The following PANX1 variants were observed in gnomAD, a reference collection of about 807,000 sequenced individuals.
The protein encoded by PANX1 is pannexin 1, also known as pannexin-1.
In PANX1, 30 loss-of-function variants were observed where a neutral mutation model predicts 38.7. The observed-to-expected ratio is 0.78, with a 90% confidence interval of 0.58 to 1.05. The LOEUF (loss-of-function observed/expected upper bound fraction) is 1.05. Among genes scored for constraint, PANX1 ranks in the 50% least tolerant of loss-of-function variants. PANX1 has a pLI of 0.00. For missense variants in PANX1, 551 were observed against 517.2 expected, an observed-to-expected ratio of 1.07 and a Z score of -0.63; for synonymous variants, 230 against 212.2, an observed-to-expected ratio of 1.08 and a Z score of -0.73.
At chr11:94,155,257 G>A (rs1946935714) in intron 2 of PANX1, among the ~76,000 whole-genome samples, 1 of 151,906 alleles carries the variant, frequency 6.6e-6, no homozygotes, top group Admixed American at 6.6e-5. Flanking sequence ...GGCTAAGGCA[G>A]GAGAATCGCT....
chr11:94,129,165 C>T lies in PANX1; in HGVS notation c.-148C>T. The stretch of plus-strand genomic sequence containing the variant: ...GCGGAGTCGCTGGGAGCCTGAGGCA[C>T]CGAGACACAAAGGCAGGCGGGATGC... On this transcript the variant is annotated 5_prime_UTR_variant, in exon 1 of 5. Coordinates refer to ENST00000227638, the MANE Select transcript of PANX1 (RefSeq NM_015368.4). 3.4e-6 allele frequency: 2 copies of T among 596,792 alleles called. No individual in the cohort carries two copies. Among genetic ancestry groups the T allele is most frequent in the Non-Finnish European group, 5.6e-6 (2 of 357,176 alleles). The allele number at this position is 596,792 out of a possible 1,614,324, so 37.0% of individuals were successfully genotyped here.
At chr11:94,134,586 G>T (rs1257370836) in intron 1 of PANX1, among the ~76,000 whole-genome samples, 1 of 152,022 alleles carries the variant, frequency 6.6e-6, no homozygotes, top group East Asian at 1.9e-4. Context: ...ATGAGAGTGG[G>T]ACCTTCATGA....
At chr11:94,138,793 A>G (rs191283904) in intron 1 of PANX1, among the ~76,000 whole-genome samples, 324 of 152,338 alleles carry the variant, frequency 2.1e-3, no homozygotes, top group Non-Finnish European at 1.8e-3. Flanking sequence ...CCTGACAGCC[A>G]TCCCTCAGTA....
chr11:94,147,160 ATTTAAT>A (rs1946836940), intron 1 of PANX1, among the ~76,000 whole-genome samples: 1 of 152,226 alleles, frequency 6.6e-6, no homozygotes, highest in Admixed American at 6.5e-5. Context: ...AAAATAAAAT[ATTTAAT>A]TTTAAATAGA....
chr11:94,180,977 G>T lies in PANX1; in HGVS notation c.*108G>T. On this transcript the variant is annotated 3_prime_UTR_variant, in exon 5 of 5. Coordinates refer to ENST00000227638, the MANE Select transcript of PANX1 (RefSeq NM_015368.4). ...GCTGGTTTGCAATAAATGGTTCTTG[G>T]TGGAGATACTGAGCATGTCTTATTG... is the stretch of plus-strand genomic sequence containing the variant. 1 of 706,518 alleles carries T rather than the reference G, an allele frequency of 1.4e-6. No individual in the cohort carries two copies. Among genetic ancestry groups the T allele is most frequent in the Admixed American group, 2.1e-5 (1 of 47,704 alleles). The allele number at this position is 706,518 out of a possible 1,614,324, so 43.8% of individuals were successfully genotyped here.
intron 2 of PANX1, among the ~76,000 whole-genome samples, chr11:94,170,248 T>A (rs534516558): frequency 7.2e-5 from 11 of 151,746 alleles, no homozygotes; most frequent in African/African-American, 2.7e-4. Flanking sequence ...GCAACCTCCA[T>A]TCTGTTTTCT....
intron 1 of PANX1, among the ~76,000 whole-genome samples, chr11:94,132,672 G>A (rs1366906579): frequency 1.3e-5 from 2 of 152,010 alleles, no homozygotes; most frequent in African/African-American, 2.4e-5. Flanking sequence ...TTTTCCACCT[G>A]TATGATAAAC....
At chr11:94,168,398 G>T (rs1318450870) in intron 2 of PANX1, among the ~76,000 whole-genome samples, 3 of 151,682 alleles carry the variant, frequency 2.0e-5, no homozygotes, top group African/African-American at 7.3e-5. Flanking sequence ...GAACTTGGCG[G>T]TTCCAAGAGT....
At chr11:94,164,729 T>C (rs2134509102) in intron 2 of PANX1, among the ~76,000 whole-genome samples, 1 of 152,350 alleles carries the variant, frequency 6.6e-6, no homozygotes, top group South Asian at 2.1e-4. Flanking sequence ...GCCTGATATT[T>C]CTTTATTTTT....
At chr11:94,132,363 G>A (rs1946639753) in intron 1 of PANX1, among the ~76,000 whole-genome samples, 1 of 152,228 alleles carries the variant, frequency 6.6e-6, no homozygotes, top group African/African-American at 2.4e-5. Flanking sequence ...AAGGCAGAAG[G>A]AGGGGTTTCT....
intron 1 of PANX1, among the ~76,000 whole-genome samples, chr11:94,149,091 C>G (rs1946856727): frequency 6.6e-6 from 1 of 152,114 alleles, no homozygotes; most frequent in Non-Finnish European, 1.5e-5. Flanking sequence ...GGAGCAGGAT[C>G]TAACCCTGTG....
chr11:94,144,630 G>A (rs1210851935), intron 1 of PANX1, among the ~76,000 whole-genome samples: 1 of 152,146 alleles, frequency 6.6e-6, no homozygotes, highest in African/African-American at 2.4e-5. Flanking sequence ...GGAGATTGGT[G>A]CTGGCCCTTT....
intron 2 of PANX1, among the ~76,000 whole-genome samples, chr11:94,154,423 T>C (rs1946922819): frequency 6.6e-6 from 1 of 152,218 alleles, no homozygotes; most frequent in African/African-American, 2.4e-5. Context: ...AGTAGGACTT[T>C]GTTTCAGCCT....
At chr11:94,172,658 A>T (rs11020670) in intron 2 of PANX1, among the ~76,000 whole-genome samples, 42,379 of 151,382 alleles carry the variant, frequency 0.28, 6,962 homozygotes, top group Admixed American at 0.38. Flanking sequence ...TAGCTCTCAA[A>T]CCTGTAATAT....
At chr11:94,171,269 A>G (rs1947163315) in intron 2 of PANX1, among the ~76,000 whole-genome samples, 1 of 151,618 alleles carries the variant, frequency 6.6e-6, no homozygotes, top group Non-Finnish European at 1.5e-5. Context: ...ACTTGAAACT[A>G]ACTTCAGGCA....
chr11:94,147,797 G>C (rs1946844540), intron 1 of PANX1, among the ~76,000 whole-genome samples: 1 of 152,224 alleles, frequency 6.6e-6, no homozygotes, highest in Non-Finnish European at 1.5e-5. Flanking sequence ...GGTGAGGGCA[G>C]TGCTGTCTTG....
chr11:94,178,217 A>G (rs376489251), intron 2 of PANX1, 152 bp from the exon 3 acceptor site: 3 of 628,706 alleles, frequency 4.8e-6, no homozygotes, highest in South Asian at 3.8e-5. Context: ...GGACAGGGGA[A>G]TTTAGCCATA....
At chr11:94,169,733 C>T (rs1250169264) in intron 2 of PANX1, among the ~76,000 whole-genome samples, 3 of 151,498 alleles carry the variant, frequency 2.0e-5, no homozygotes, top group Non-Finnish European at 4.4e-5. Context: ...AATGCTGGGG[C>T]GACTGGAAGC....
At position 94,180,204 on chromosome 11, in the gene PANX1, C is replaced by A; in HGVS notation, c.1148C>A (p.Pro383His). The A allele has an allele frequency of 6.2e-7, 1 of 1,613,600 alleles. No individual in the cohort carries two copies. Among genetic ancestry groups the A allele is most frequent in the South Asian group, 1.1e-5 (1 of 91,000 alleles). Residue 383 changes from proline (P) to histidine (H), a missense_variant, in exon 4 of 5, where the codon CCC (proline) becomes CAC (histidine). Pro to His is a moderately conservative substitution (Grantham distance 77, BLOSUM62 -2). Transcript: ENST00000227638. ...ATGGATGTTGTTGATGGCAAAACTC[C>A]CATGTCTGCAGAGATGAGAGAGGAG... Reference protein sequence around the residue: ...IKMDVVDGKTPMSAEMREEQG... With the variant: ...IKMDVVDGKTHMSAEMREEQG...
Sources: gnomAD v4.1 joint callset for allele counts (sites outside exome capture counted in the v4.1 genomes callset) on GRCh38, gnomAD v4.1.1 for gene constraint, MANE v1.5 for transcripts, NCBI Gene and HGNC (gene_info 2026-07-23, HGNC 2026-07-21) for gene names.